RTCB: variants seen among roughly 807,000 people sequenced by gnomAD.
RTCB encodes RNA-splicing ligase RTCB.
In RTCB, 32 loss-of-function variants were observed where a neutral mutation model predicts 58.2. That is an observed-to-expected ratio of 0.55 (90% CI 0.41 to 0.74). The LOEUF (loss-of-function observed/expected upper bound fraction) is 0.74. Ranked by LOEUF, RTCB falls within the 30% of genes least tolerant of loss-of-function variation. The pLI, the probability that RTCB is intolerant of heterozygous loss-of-function variation, is 0.00. For synonymous variants in RTCB, 247 were observed against 218.6 expected (o/e 1.13, Z -1.15); for missense variants, 523 against 639.0 (o/e 0.82, Z 1.96).
At chr22:32,395,670 A>G (rs1933233146) in intron 8 of RTCB, among the ~76,000 whole-genome samples, 1 of 152,190 alleles carries the variant, frequency 6.6e-6, no homozygotes, top group Non-Finnish European at 1.5e-5. Context: ...AAAACCAAAC[A>G]CCATAGGCTT....
intron 9 of RTCB, among the ~76,000 whole-genome samples, chr22:32,394,464 T>C (rs1164090918): frequency 6.6e-6 from 1 of 152,180 alleles, no homozygotes; most frequent in African/African-American, 2.4e-5. Flanking sequence ...AAGATAGTAC[T>C]TTGATTCTTT....
chr22:32,392,042 G>T (rs531745556), intron 11 of RTCB, among the ~76,000 whole-genome samples, 198 bp downstream of exon 11: 1 of 152,004 alleles, frequency 6.6e-6, no homozygotes, highest in East Asian at 1.9e-4. Flanking sequence ...GACTTGGCTC[G>T]TAATTTTAAC....
chr22:32,408,204 T>C lies in RTCB; in HGVS notation c.211A>G (p.Asn71Asp). ...GFLPAMKQIGNVAALPGIVHR... is the reference protein window; with the variant it reads ...GFLPAMKQIGDVAALPGIVHR... ...ACAATTCCAGGCAGGGCTGCCACAT[T>C]GCCAATCTGTTTCATGGCTGGCAGG... is the stretch of plus-strand genomic sequence containing the variant. Residue 71 changes from asparagine to aspartate, a missense_variant, in exon 3 of 12, where the codon AAT becomes GAT. Around this residue, in one of 3 missense-constraint regions of RTCB, gnomAD observed 134 missense variants for 129.9 expected, o/e 1.03. Transcript: ENST00000216038. 6.2e-7 allele frequency: 1 copy of C among 1,614,198 alleles called. No individual in the cohort carries two copies. The highest frequency in any genetic ancestry group is 1.1e-5 in the South Asian group (1 of 91,084).
rs568648246 is a variant in RTCB, at chr22:32,412,047, T to A, written c.93+17A>T. 2.4e-5 allele frequency: 39 copies of A among 1,593,756 alleles called. No individual in the cohort carries two copies. Among genetic ancestry groups the A allele is most frequent in the Non-Finnish European group, 3.1e-5 (36 of 1,172,564 alleles). Reference sequence around the variant, plus strand: ...GACGGAGCACGGAAGGCCCCGCCATTTGCTCTCCTGCCTTACCTGCATGTT... The same window carrying A: ...GACGGAGCACGGAAGGCCCCGCCATATGCTCTCCTGCCTTACCTGCATGTT... On this transcript the variant is annotated intron_variant, in intron 1 of 11. Transcript: ENST00000216038.
rs912443635 is a variant in RTCB at position 32,395,172 on chromosome 22, G to C, written c.1033C>G (p.Leu345Val). The change falls in exon 9 of 12, where the codon CTA becomes GTA. Residue 345 changes from leucine to valine, a missense_variant. Leu to Val is a conservative substitution (Grantham distance 32). Coordinates refer to ENST00000216038, the MANE Select transcript of RTCB (RefSeq NM_014306.5). ...TGAGAAACATCATAGATCACATGTA[G>C]GTCCAAGTCATCAGGGGTTGTGTTG... ...VFNTTPDDLD[L>V]HVIYDVSHNI... The C allele has an allele frequency of 1.2e-6, 2 of 1,614,178 alleles. No individual in the cohort carries two copies. The highest frequency in any genetic ancestry group is 2.2e-5 in the South Asian group (2 of 91,086).
In RTCB at chr22:32,395,934, T is replaced by C. The variant is rs182690825; in HGVS notation, c.990+140A>G. Reference sequence around the variant, plus strand: ...CAGGATGGTCTGGATCTCCTAACCTTGTGATCCGCCCCCCCTCGGCCTCCC... The same window carrying C: ...CAGGATGGTCTGGATCTCCTAACCTCGTGATCCGCCCCCCCTCGGCCTCCC... On this transcript the variant is annotated intron_variant, in intron 8 of 11. Coordinates refer to ENST00000216038, the MANE Select transcript of RTCB (RefSeq NM_014306.5). The C allele has an allele frequency of 0.011, 8,265 of 726,572 alleles. 420 individuals are homozygous for C. In the African/African-American group the frequency reaches 0.18, roughly 16 times the overall value. The allele number at this position is 726,572 out of a possible 1,614,324, so 45.0% of individuals were successfully genotyped here.
intron 5 of RTCB, chr22:32,400,084 A>C (rs990767964): frequency 1.0e-5 from 2 of 193,580 alleles, no homozygotes; most frequent in African/African-American, 4.7e-5. Flanking sequence ...GGTAGTGATT[A>C]AACAGACAAA....
Position 32,398,152 on chromosome 22 carries a change from T to A in RTCB, c.655-52A>T, listed in dbSNP as rs191766818. ...ATAGTTTTTATTCCAGTTTTTTTTT[T>A]AATCTATTTAAAAACCAAAAAGATA... On this transcript the variant is annotated intron_variant, in intron 6 of 11. Coordinates refer to ENST00000216038, the MANE Select transcript of RTCB (RefSeq NM_014306.5). 4.9e-4 allele frequency: 762 copies of A among 1,566,376 alleles called. 3 individuals carry two copies. In the African/African-American group the frequency reaches 8.1e-3, roughly 17 times the overall value.
At chr22:32,409,772 A>C (rs936507351) in intron 1 of RTCB, among the ~76,000 whole-genome samples, 21 of 151,842 alleles carry the variant, frequency 1.4e-4, no homozygotes, top group Admixed American at 2.6e-4. Flanking sequence ...AGAATATAAG[A>C]TCTTCCTTTC....
intron 9 of RTCB, among the ~76,000 whole-genome samples, chr22:32,394,703 AC>A (rs1365191155): frequency 6.6e-6 from 1 of 152,138 alleles, no homozygotes; most frequent in Non-Finnish European, 1.5e-5. Flanking sequence ...CACCAAGAGG[AC>A]AGGAGGAATG....
intron 4 of RTCB, among the ~76,000 whole-genome samples, chr22:32,403,655 T>A (rs986775518): frequency 6.6e-6 from 1 of 152,188 alleles, no homozygotes; most frequent in South Asian, 2.1e-4. Flanking sequence ...AGCCTCCAAG[T>A]CCTGGGCTCA....
intron 4 of RTCB, among the ~76,000 whole-genome samples, chr22:32,406,087 TA>T (rs1049894771): frequency 2.0e-5 from 3 of 151,562 alleles, no homozygotes; most frequent in Admixed American, 1.3e-4. Context: ...TTTACAAAGA[TA>T]AAAAAAAATT....
intron 6 of RTCB, among the ~76,000 whole-genome samples, chr22:32,399,146 G>A (rs1281614912): frequency 2.0e-4 from 31 of 151,792 alleles, no homozygotes; most frequent in Non-Finnish European, 1.5e-5. Context: ...CTTATTTTAT[G>A]AACATTTGCA....
At chr22:32,400,081 A>C (rs886436933) in intron 5 of RTCB, 8 of 199,710 alleles carry the variant, frequency 4.0e-5, no homozygotes, top group African/African-American at 1.9e-4. Context: ...TGAGGTAGTG[A>C]TTAAACAGAC....
rs758909553 is a variant in RTCB, at chr22:32,393,930, CCT to C, written c.1250_1251del (p.Gln417ArgfsTer4). On this transcript the variant is annotated frameshift_variant, in exon 10 of 12. Transcript: ENST00000216038. LOFTEE classifies it high-confidence loss of function. ...GTTGTTCCAAAGGTCTCAGTCATGC[CCT>C]GTTCAGTGCCAGTAAGAACATAACT... is the stretch of plus-strand genomic sequence containing the variant. ...TCSYVLTGTE[Q>X]GMTETFGTTC... 1 of 1,614,072 alleles carries C rather than the reference CCT, an allele frequency of 6.2e-7. No homozygotes were observed. Among genetic ancestry groups the C allele is most frequent in the Non-Finnish European group, 8.5e-7 (1 of 1,179,976 alleles).
At chr22:32,409,974 C>T (rs936542570) in intron 1 of RTCB, among the ~76,000 whole-genome samples, 1 of 151,974 alleles carries the variant, frequency 6.6e-6, no homozygotes, top group Non-Finnish European at 1.5e-5. Flanking sequence ...CCCGCCACCA[C>T]GCCCAGCTAA....
rs190976150 is a variant in RTCB at position 32,402,777 on chromosome 22, G to T, written c.341-874C>A. On this transcript the variant is annotated intron_variant, in intron 4 of 11. Coordinates refer to ENST00000216038, the MANE Select transcript of RTCB (RefSeq NM_014306.5). ...TTTTGTTTTTTTGAGACAGGTTCTTGTTCTCTCACCCAGGCTGAAGTGCAG... is the reference window on the plus strand; with the variant it reads ...TTTTGTTTTTTTGAGACAGGTTCTTTTTCTCTCACCCAGGCTGAAGTGCAG... Among the ~76,000 whole-genome samples the T allele has an allele frequency of 1.3e-3, 200 of 152,206 alleles. 1 individual carries two copies. Among genetic ancestry groups the T allele is most frequent in the Middle Eastern group, 3.4e-3 (1 of 294 alleles).
intron 4 of RTCB, among the ~76,000 whole-genome samples, chr22:32,404,091 T>C (rs1014602205): frequency 6.6e-6 from 1 of 152,266 alleles, no homozygotes; most frequent in Non-Finnish European, 1.5e-5. Flanking sequence ...TTCCGTATCT[T>C]GGCTACTGTG....
chr22:32,390,850 AT>A (rs1204828561), intron 11 of RTCB, among the ~76,000 whole-genome samples: 1 of 152,190 alleles, frequency 6.6e-6, no homozygotes, highest in South Asian at 2.1e-4. Flanking sequence ...TGACTCAGTA[AT>A]TCCACTTTTT....
Sources: allele counts gnomAD v4.1 joint callset (sites outside exome capture counted in the v4.1 genomes callset), GRCh38; gene constraint gnomAD v4.1.1; regional missense constraint gnomAD v4.1.1; transcripts MANE v1.5; gene names NCBI Gene and HGNC (gene_info 2026-07-23, HGNC 2026-07-21).